The following PRKCB variants were observed in gnomAD, a reference collection of about 807,000 sequenced individuals.
The protein encoded by PRKCB is protein kinase C beta, also known as protein kinase C beta type.
PRKCB carries 13 observed loss-of-function variants against 81.5 expected under a neutral mutation model. The ratio of observed to expected loss-of-function variants is 0.16; its 90% CI spans 0.10 to 0.25. PRKCB has a LOEUF of 0.25. PRKCB is among the 10% of genes least tolerant of loss of function. The pLI is 1.00. For synonymous variants in PRKCB, 335 were observed against 321.4 expected, an observed-to-expected ratio of 1.04 and a Z score of -0.45; for missense variants, 509 against 875.7, an observed-to-expected ratio of 0.58 and a Z score of 5.29.
At chr16:24,067,141 T>G (rs1441108071) in intron 5 of PRKCB, among the ~76,000 whole-genome samples, 2 of 152,140 alleles carry the variant, frequency 1.3e-5, no homozygotes, top group South Asian at 4.1e-4. Context: ...TGTGAGCCAC[T>G]GTACCCAGTC....
At chr16:23,908,442 G>T (rs948442966) in intron 2 of PRKCB, among the ~76,000 whole-genome samples, 1 of 152,180 alleles carries the variant, frequency 6.6e-6, no homozygotes, top group African/African-American at 2.4e-5. Flanking sequence ...CCCAGGTGCG[G>T]CTCTAACACA....
intron 3 of PRKCB, among the ~76,000 whole-genome samples, chr16:24,008,434 T>C (rs1375299044): frequency 6.6e-6 from 1 of 152,188 alleles, no homozygotes; most frequent in Non-Finnish European, 1.5e-5. Context: ...CTTCTAGGAG[T>C]TTAGAATTTG....
chr16:24,197,282 G>A (rs1409802605), intron 16 of PRKCB, among the ~76,000 whole-genome samples: 1 of 152,210 alleles, frequency 6.6e-6, no homozygotes. Flanking sequence ...GCCAGGTCAG[G>A]GAGATGTCCT....
intron 12 of PRKCB, among the ~76,000 whole-genome samples, chr16:24,178,967 G>A (rs568086785): frequency 2.0e-5 from 3 of 152,316 alleles, no homozygotes; most frequent in South Asian, 2.1e-4. Flanking sequence ...CTCAAGTGAC[G>A]TTATGAGGGC....
At chr16:24,003,665 G>C (rs567960760) in intron 3 of PRKCB, among the ~76,000 whole-genome samples, 1 of 152,128 alleles carries the variant, frequency 6.6e-6, no homozygotes, top group African/African-American at 2.4e-5. Context: ...GATTACAGGC[G>C]TGAGCGACTG....
chr16:24,211,725 AT>A (rs1432483361), intron 16 of PRKCB, among the ~76,000 whole-genome samples: 1 of 151,746 alleles, frequency 6.6e-6, no homozygotes, highest in Non-Finnish European at 1.5e-5. Context: ...CGCCTGGCTA[AT>A]TTTTTGTATT....
chr16:24,091,085 G>GA (rs370698947), intron 5 of PRKCB, among the ~76,000 whole-genome samples: 18 of 151,646 alleles, frequency 1.2e-4, no homozygotes, highest in Admixed American at 6.6e-4. Flanking sequence ...TGGAACACGA[G>GA]AAAAAAAAGT....
chr16:24,033,166 G>A (rs1459793002), intron 4 of PRKCB, among the ~76,000 whole-genome samples: 3 of 152,302 alleles, frequency 2.0e-5, no homozygotes, highest in East Asian at 1.9e-4. Flanking sequence ...CCACAGACCT[G>A]TTGGTCTGCA....
At chr16:24,014,062 A>C (rs1353870226) in intron 3 of PRKCB, among the ~76,000 whole-genome samples, 1 of 152,182 alleles carries the variant, frequency 6.6e-6, no homozygotes, top group Non-Finnish European at 1.5e-5. Flanking sequence ...GCTCTTCTGA[A>C]ATGCAGACTT....
intron 16 of PRKCB, among the ~76,000 whole-genome samples, chr16:24,212,668 T>C (rs1451936391): frequency 6.6e-6 from 1 of 151,776 alleles, no homozygotes; most frequent in Non-Finnish European, 1.5e-5. Flanking sequence ...GGTTTTGCCA[T>C]GTTGGTCAGG....
rs534583308 is a variant in PRKCB at position 24,084,555 on chromosome 16, C to T, written c.530-8236C>T. On this transcript the variant is annotated intron_variant, in intron 5 of 16. Transcript: ENST00000643927. ...TATAAAATACCTCTCTATCTTGAAT[C>T]CTGAACCCTTCAATAAAAGAATTAC... Among the ~76,000 whole-genome samples, 4 of 152,084 alleles carry T rather than the reference C, an allele frequency of 2.6e-5. No homozygotes were observed. The South Asian group carries it at 8.3e-4, about 32-fold the overall frequency.
intron 2 of PRKCB, among the ~76,000 whole-genome samples, chr16:23,921,153 A>G (rs1010681346): frequency 2.6e-5 from 4 of 152,190 alleles, no homozygotes; most frequent in East Asian, 1.9e-4. Flanking sequence ...GATTATTACA[A>G]TTCAAAGTGA....
intron 2 of PRKCB, among the ~76,000 whole-genome samples, chr16:23,955,467 C>A (rs1454517708): frequency 6.6e-6 from 1 of 152,116 alleles, no homozygotes; most frequent in African/African-American, 2.4e-5. Context: ...CAGGCAAGTC[C>A]TTCAATGGTT....
chr16:23,929,370 A>G (rs920527375), intron 2 of PRKCB, among the ~76,000 whole-genome samples: 3 of 152,082 alleles, frequency 2.0e-5, no homozygotes, highest in African/African-American at 7.2e-5. Flanking sequence ...CTTGAACCAG[A>G]TGGACCTGGA....
chr16:24,042,625 C>T (rs758204971), intron 5 of PRKCB, among the ~76,000 whole-genome samples: 18 of 151,980 alleles, frequency 1.2e-4, no homozygotes, highest in Non-Finnish European at 2.4e-4. Context: ...GACACCAATT[C>T]GATTTCCCCC....
chr16:24,113,990 G>A (rs765232826), intron 8 of PRKCB, among the ~76,000 whole-genome samples: 1 of 151,774 alleles, frequency 6.6e-6, no homozygotes, highest in Non-Finnish European at 1.5e-5. Context: ...GCTGAAGCAG[G>A]CAGATCACTT....
chr16:24,159,747 A>T (rs970810869), intron 10 of PRKCB, among the ~76,000 whole-genome samples: 1 of 152,242 alleles, frequency 6.6e-6, no homozygotes, highest in African/African-American at 2.4e-5. Context: ...TAACACCAGC[A>T]CTTTGGGAGG....
At chr16:24,070,329 A>G (rs1966092307) in intron 5 of PRKCB, among the ~76,000 whole-genome samples, 1 of 151,624 alleles carries the variant, frequency 6.6e-6, no homozygotes, top group Non-Finnish European at 1.5e-5. Context: ...TTGTATTTTC[A>G]GTAGCGACGG....
chr16:24,052,074 CAA>C (rs71154271), intron 5 of PRKCB, among the ~76,000 whole-genome samples: 28 of 91,152 alleles, frequency 3.1e-4, no homozygotes, highest in Admixed American at 3.7e-4. Flanking sequence ...GACTCCGTCT[CAA>C]AAAAAAAAAA....
Sources: gnomAD v4.1 joint callset for allele counts (sites outside exome capture counted in the v4.1 genomes callset) on GRCh38, gnomAD v4.1.1 for gene constraint, MANE v1.5 for transcripts, NCBI Gene and HGNC (gene_info 2026-07-23, HGNC 2026-07-21) for gene names.